CNGB3: variants seen among roughly 807,000 people sequenced by gnomAD.
The protein encoded by CNGB3 is cyclic nucleotide-gated channel beta-3.
Under a neutral mutation model 92.8 loss-of-function variants are expected in CNGB3, and 86 were observed. That is an observed-to-expected ratio of 0.93 (90% CI 0.78 to 1.11). The LOEUF is 1.11. Among genes scored for constraint, CNGB3 ranks in the 50% least tolerant of loss-of-function variants. CNGB3 has a pLI of 0.00. For missense variants in CNGB3, 1,026 were observed against 956.8 expected (o/e 1.07, Z -0.95); for synonymous variants, 333 against 332.7 (o/e 1.00, Z -0.01).
chr8:86,710,274 C>T lies in CNGB3; in HGVS notation c.338+16257G>A, dbSNP rs183661485. Among the ~76,000 whole-genome samples the T allele has an allele frequency of 2.9e-3, 439 of 152,270 alleles. 3 individuals carry two copies. The highest frequency in any genetic ancestry group is 0.01 in the African/African-American group (426 of 41,552). ...TGTACTACTTTTGCTATTTCCCATG[C>T]CTGAAGTTATCTCCCACTAGGTGGA... On this transcript the variant is annotated intron_variant, in intron 3 of 17. Transcript: ENST00000320005.
intron 16 of CNGB3, 71 bp from the exon 17 acceptor site, chr8:86,578,934 G>T: frequency 1.9e-6 from 3 of 1,591,266 alleles, no homozygotes; most frequent in Non-Finnish European, 2.6e-6. Context: ...TAAAAAAACT[G>T]CAATTTATCC....
At chr8:86,649,642 ATCAAC>A (rs1823360337) in intron 7 of CNGB3, among the ~76,000 whole-genome samples, 1 of 151,650 alleles carries the variant, frequency 6.6e-6, no homozygotes, top group Non-Finnish European at 1.5e-5. Flanking sequence ...TTATACAGAA[ATCAAC>A]TCAAGATAAA....
chr8:86,683,129 A>T (rs1314067378), intron 3 of CNGB3, among the ~76,000 whole-genome samples: 2 of 152,218 alleles, frequency 1.3e-5, no homozygotes, highest in African/African-American at 4.8e-5. Context: ...TAGAGACATT[A>T]TTTTTATTTC....
At chr8:86,681,016 T>C (rs572591440) in intron 3 of CNGB3, among the ~76,000 whole-genome samples, 2 of 152,246 alleles carry the variant, frequency 1.3e-5, no homozygotes, top group African/African-American at 4.8e-5. Context: ...CCACTACAGA[T>C]ATACACAAGT....
rs116221296 is a variant in CNGB3 at position 86,666,560 on chromosome 8, A to G, written c.852+365T>C. Among the ~76,000 whole-genome samples the G allele has an allele frequency of 8.5e-3, 1,299 of 152,276 alleles. 18 individuals are homozygous for G. Among genetic ancestry groups the G allele is most frequent in the African/African-American group, 0.029 (1,225 of 41,534 alleles). The stretch of plus-strand genomic sequence containing the variant: ...GAAAGGATTAAGGGAAGTATTATAA[A>G]TAAGTTAACTAGAACAATAATGCTA... On this transcript the variant is annotated intron_variant, in intron 6 of 17. Transcript: ENST00000320005.
chr8:86,717,373 C>T (rs932317519), intron 3 of CNGB3, among the ~76,000 whole-genome samples: 22 of 151,894 alleles, frequency 1.4e-4, no homozygotes, highest in African/African-American at 5.1e-4. Flanking sequence ...ACCAGCCTGG[C>T]CAATATAGTG....
chr8:86,584,315 T>A (rs760406962), intron 15 of CNGB3, among the ~76,000 whole-genome samples: 4 of 152,234 alleles, frequency 2.6e-5, no homozygotes, highest in Non-Finnish European at 5.9e-5. Flanking sequence ...AGGGTAATCC[T>A]GTAGTTATGC....
At position 86,575,872 on chromosome 8, in the gene CNGB3, T is replaced by C. The variant is rs372823505; in HGVS notation, c.2362A>G (p.Met788Val). Residue 788 changes from methionine to valine, a missense_variant, in exon 18 of 18, where the codon ATG (methionine) becomes GTG (valine). Physicochemically the swap from Met to Val is conservative, Grantham distance 21. Transcript: ENST00000320005. ...TCTCCGCCCTCAGCAGAAGGAGCCA[T>C]GCTGATAATGAGTGATTGACGAGAA... ...GTSRQSLIISMAPSAEGGEEV... is the reference protein window; with the variant it reads ...GTSRQSLIISVAPSAEGGEEV... The C allele has an allele frequency of 9.9e-6, 16 of 1,613,270 alleles. No homozygotes were observed. In the African/African-American group the frequency reaches 2.0e-4, roughly 20 times the overall value.
chr8:86,628,728 G>A (rs1822899047), intron 12 of CNGB3, among the ~76,000 whole-genome samples, 191 bp downstream of exon 12: 1 of 151,084 alleles, frequency 6.6e-6, no homozygotes, highest in Non-Finnish European at 1.5e-5. Flanking sequence ...TCTCTTCCAA[G>A]GTTTTCAAAA....
rs1209920077 is a variant in CNGB3, at chr8:86,628,919, C to G, written c.1480G>C (p.Asp494His). 1.2e-6 allele frequency: 2 copies of G among 1,613,644 alleles called. No individual in the cohort carries two copies. The highest frequency in any genetic ancestry group is 1.7e-6 in the Non-Finnish European group (2 of 1,179,792). Reference sequence around the variant, plus strand: ...TTAATCGGTAATCTGCCATGCTTACCTAGCATTCTTTGAGAGTCCCATGTA... The same window carrying G: ...TTAATCGGTAATCTGCCATGCTTACGTAGCATTCTTTGAGAGTCCCATGTA... Reference protein sequence around the residue: ...EYTWDSQRMLDESDLLKTLPT... With the variant: ...EYTWDSQRMLHESDLLKTLPT... The change falls in exon 12 of 18, where the codon GAT (aspartate) becomes CAT (histidine). Residue 494 changes from aspartate to histidine, a missense_variant and splice_region_variant. By Grantham distance (81) the Asp-to-His change is moderately conservative. Transcript: ENST00000320005.
intron 3 of CNGB3, among the ~76,000 whole-genome samples, chr8:86,715,160 T>TTACA (rs1420356294): frequency 6.6e-6 from 1 of 152,024 alleles, no homozygotes; most frequent in Non-Finnish European, 1.5e-5. Flanking sequence ...TAGGGCAAGT[T>TTACA]TACATCCTCC....
intron 2 of CNGB3, among the ~76,000 whole-genome samples, chr8:86,727,219 T>C (rs1341090817): frequency 6.6e-6 from 1 of 152,206 alleles, no homozygotes; most frequent in Non-Finnish European, 1.5e-5. Flanking sequence ...AGTTGGTGTA[T>C]TATGTAATAA....
rs551964411 is a variant in CNGB3 at position 86,705,400 on chromosome 8, C to T, written c.338+21131G>A. Among the ~76,000 whole-genome samples, 11 of 152,148 alleles carry T rather than the reference C, an allele frequency of 7.2e-5. No homozygotes were observed. In the East Asian group the frequency reaches 2.1e-3, roughly 29 times the overall value. On this transcript the variant is annotated intron_variant, in intron 3 of 17. Transcript: ENST00000320005. ...AAAAAGTGCTGGCAGACGACCTGCC[C>T]CCGCTGCCCCCAACCCACCCGCAAA...
At chr8:86,685,569 T>C (rs969550737) in intron 3 of CNGB3, among the ~76,000 whole-genome samples, 3 of 152,176 alleles carry the variant, frequency 2.0e-5, no homozygotes, top group Non-Finnish European at 4.4e-5. Flanking sequence ...TTTTCTGGAA[T>C]GCTAGCTGTG....
chr8:86,590,352 A>G (rs1393313985), intron 15 of CNGB3, among the ~76,000 whole-genome samples: 1 of 151,996 alleles, frequency 6.6e-6, no homozygotes, highest in Non-Finnish European at 1.5e-5. Context: ...TAAAGTTAAT[A>G]GTGTTATGTG....
rs1304660079 is a variant in CNGB3 at position 86,661,339 on chromosome 8, C to T, written c.852+5586G>A. On this transcript the variant is annotated intron_variant, in intron 6 of 17. Transcript: ENST00000320005. ...TTCCACTGAATAAATCCTTTTCAAG[C>T]AATATTGCTTTGCTTTTGCCAGAAG... 6 of 395,448 alleles carry T rather than the reference C, an allele frequency of 1.5e-5. No individual in the cohort carries two copies. The East Asian group carries it at 3.6e-4, about 24-fold the overall frequency. The allele number at this position is 395,448 out of a possible 1,614,324, so 24.5% of individuals were successfully genotyped here.
chr8:86,594,604 C>T (rs562445372), intron 15 of CNGB3: 97 of 240,446 alleles, frequency 4.0e-4, no homozygotes, highest in Middle Eastern at 1.5e-3. Context: ...GGATGCAAAG[C>T]GCAGGGCAGC....
Position 86,579,216 on chromosome 8 carries a change from G to A in CNGB3, c.1818C>T (p.Ala606=), listed in dbSNP as rs1821715519. 2 of 1,614,096 alleles carry A rather than the reference G, an allele frequency of 1.2e-6. No individual in the cohort carries two copies. The highest frequency in any genetic ancestry group is 4.5e-5 in the East Asian group (2 of 44,880). Residue 606 remains alanine (A), a synonymous_variant, in exon 16 of 18, where the codon GCC becomes GCT. Transcript: ENST00000320005. ...LAAGGGNRRT[A]NVVAHGFANL... is the part of the protein sequence containing the mutation. ...TGGCAAACCCGTGGGCCACCACATT[G>A]GCAGTTCGACGGTTTCCTCCTCCTG...
At chr8:86,654,302 C>T (rs192823222) in intron 6 of CNGB3, among the ~76,000 whole-genome samples, 70 of 152,254 alleles carry the variant, frequency 4.6e-4, no homozygotes, top group Non-Finnish European at 9.0e-4. Context: ...TACTCTATAT[C>T]CTTCCCTCAC....
Sources: gnomAD v4.1 joint callset for allele counts (sites outside exome capture counted in the v4.1 genomes callset) on GRCh38, gnomAD v4.1.1 for gene constraint, MANE v1.5 for transcripts, NCBI Gene and HGNC (gene_info 2026-07-23, HGNC 2026-07-21) for gene names.